Variants in FBRSL1 observed in about 807,000 individuals in gnomAD.
FBRSL1 encodes fibrosin like 1.
In FBRSL1, 51 loss-of-function variants were observed where a neutral mutation model predicts 89.6. The ratio of observed to expected loss-of-function variants is 0.57; its 90% CI spans 0.45 to 0.72. The LOEUF (loss-of-function observed/expected upper bound fraction) is 0.72, where lower values mean the gene tolerates loss of function less well. Among genes scored for constraint, FBRSL1 ranks in the 30% least tolerant of loss-of-function variants. The pLI is 0.00. For synonymous variants in FBRSL1, 779 were observed against 681.1 expected, an observed-to-expected ratio of 1.14 and a Z score of -2.24; for missense variants, 1,618 against 1,451.8, an observed-to-expected ratio of 1.11 and a Z score of -1.86.
At chr12:132,530,210 C>T (rs2036148561) in intron 4 of FBRSL1, among the ~76,000 whole-genome samples, 1 of 152,218 alleles carries the variant, frequency 6.6e-6, no homozygotes, top group African/African-American at 2.4e-5. Flanking sequence ...AGTGTCCTGA[C>T]AGACCAGCTC....
intron 2 of FBRSL1, among the ~76,000 whole-genome samples, chr12:132,519,156 C>T (rs1007782740): frequency 6.6e-6 from 1 of 152,248 alleles, no homozygotes; most frequent in African/African-American, 2.4e-5. Context: ...ACTGTGTCTG[C>T]CTGTGCTAGG....
At chr12:132,540,782 G>A (rs868102385) in intron 4 of FBRSL1, among the ~76,000 whole-genome samples, 1 of 151,976 alleles carries the variant, frequency 6.6e-6, no homozygotes, top group Non-Finnish European at 1.5e-5. Flanking sequence ...ATGGCAGGAG[G>A]ACTCCCAGCC....
In FBRSL1 at chr12:132,510,863, A is replaced by C. The variant is rs549799056; in HGVS notation, c.489+2513A>C. On this transcript the variant is annotated intron_variant, in intron 2 of 18. Coordinates refer to ENST00000680143, the MANE Select transcript of FBRSL1 (RefSeq NM_001367871.1). ...CTTTCTGTGCCTCTGAATTGCCAAT[A>C]CTGTCCTTGCATCTCTGAGTCTACG... 153 of 1,037,500 alleles carry C rather than the reference A, an allele frequency of 1.5e-4. No homozygotes were observed. The African/African-American group carries it at 2.5e-3, about 17-fold the overall frequency. 64.3% of individuals were successfully genotyped at this position (1,037,500 alleles called of 1,614,324 possible). A position where few individuals can be genotyped will look rare whatever the true frequency, so the allele number is the denominator to read the frequency against.
intron 2 of FBRSL1, among the ~76,000 whole-genome samples, chr12:132,522,854 C>T (rs940431267): frequency 6.6e-6 from 1 of 152,020 alleles, no homozygotes; most frequent in African/African-American, 2.4e-5. Context: ...CGCTGCCTTT[C>T]CCCCCGCACC....
At chr12:132,502,496 G>A (rs1443986198) in intron 1 of FBRSL1, among the ~76,000 whole-genome samples, 1 of 152,184 alleles carries the variant, frequency 6.6e-6, no homozygotes, top group Admixed American at 6.5e-5. Context: ...GTGCACAGCA[G>A]GACTGACCTC....
chr12:132,548,140 G>C, intron 5 of FBRSL1, 108 bp downstream of exon 5: 1 of 1,374,848 alleles, frequency 7.3e-7, no homozygotes, highest in South Asian at 1.3e-5. Flanking sequence ...TCGGGCCTTG[G>C]GGGGATCCCC....
At chr12:132,532,650 G>A (rs2036387025) in intron 4 of FBRSL1, among the ~76,000 whole-genome samples, 1 of 149,392 alleles carries the variant, frequency 6.7e-6, no homozygotes, top group Non-Finnish European at 1.5e-5. Context: ...CAGGGAGAAA[G>A]ATGGGAAAGA....
At chr12:132,575,671 A>G (rs75841091) in intron 14 of FBRSL1, among the ~76,000 whole-genome samples, 3,159 of 152,356 alleles carry the variant, frequency 0.021, 120 homozygotes, top group African/African-American at 0.072. Context: ...AACTCGGGGC[A>G]TGGTTGCTCC....
intron 1 of FBRSL1, among the ~76,000 whole-genome samples, chr12:132,493,856 C>T (rs1029227170): frequency 1.3e-5 from 2 of 152,202 alleles, no homozygotes; most frequent in Admixed American, 6.5e-5. Flanking sequence ...GCAGGCACTC[C>T]CTAAATGGTG....
Position 132,569,989 on chromosome 12 carries a change from G to A in FBRSL1, c.755G>A (p.Arg252His). The A allele has an allele frequency of 2.0e-6, 3 of 1,494,528 alleles. No individual in the cohort carries two copies. Among genetic ancestry groups the A allele is most frequent in the Non-Finnish European group, 1.8e-6 (2 of 1,129,170 alleles). The allele number at this position is 1,494,528 out of a possible 1,614,324, so 92.6% of individuals were successfully genotyped here. A position where few individuals can be genotyped will look rare whatever the true frequency, so the allele number is the denominator to read the frequency against. ...GTGCCCAAGGTGTCAGGCCTGGAGC[G>A]CAGCCGCGAGCTCAGCGCCGAGAGC... Reference protein sequence around the residue: ...GPVPKVSGLERSRELSAESFL... With the variant: ...GPVPKVSGLEHSRELSAESFL... Residue 252 changes from arginine (R) to histidine (H), a missense_variant, in exon 7 of 19, where the codon CGC (arginine) becomes CAC (histidine). Physicochemically the swap from Arg to His is conservative, Grantham distance 29 (BLOSUM62 0). Coordinates refer to ENST00000680143, the MANE Select transcript of FBRSL1 (RefSeq NM_001367871.1).
At chr12:132,571,272 G>T (rs1268851376) in intron 9 of FBRSL1, 41 bp downstream of exon 9, 4 of 1,494,072 alleles carry the variant, frequency 2.7e-6, no homozygotes, top group Non-Finnish European at 3.6e-6. Context: ...CGCGGCCAAC[G>T]TGCCTCTCTG....
At chr12:132,536,487 TGAA>T (rs1184187719) in intron 4 of FBRSL1, among the ~76,000 whole-genome samples, 3 of 150,806 alleles carry the variant, frequency 2.0e-5, no homozygotes, top group South Asian at 2.1e-4. Flanking sequence ...CACATGTACA[TGAA>T]GGTGTGTCGT....
chr12:132,515,702 C>A (rs2034776372), intron 2 of FBRSL1, among the ~76,000 whole-genome samples: 1 of 151,952 alleles, frequency 6.6e-6, no homozygotes, highest in African/African-American at 2.4e-5. Context: ...GAGTTCAAGA[C>A]CAGCCTGGCC....
chr12:132,493,160 G>A (rs940242558), intron 1 of FBRSL1, among the ~76,000 whole-genome samples: 1 of 152,240 alleles, frequency 6.6e-6, no homozygotes, highest in African/African-American at 2.4e-5. Context: ...GTGAGCGGGC[G>A]CTGCCCTGCG....
chr12:132,568,764 C>A (rs564982349), intron 6 of FBRSL1, among the ~76,000 whole-genome samples: 1 of 152,014 alleles, frequency 6.6e-6, no homozygotes, highest in Admixed American at 6.5e-5. Context: ...AGATAGTGCC[C>A]GTGGGCTCCC....
At position 132,574,321 on chromosome 12, in the gene FBRSL1, G is replaced by C. The variant is rs963879814; in HGVS notation, c.1602G>C (p.Val534=). ...VHTLLQKAPG[V]SDPYRAVVKK... is the part of the protein sequence containing the mutation. ...ACACTCCTTTCCTGTCTCCACAGGT[G>C]TCTGACCCGTACCGGGCGGTGGTCA... is the stretch of plus-strand genomic sequence containing the variant. The change falls in exon 13 of 19, where the codon GTG becomes GTC. Residue 534 remains valine (V), a splice_region_variant and synonymous_variant. Coordinates refer to ENST00000680143, the MANE Select transcript of FBRSL1 (RefSeq NM_001367871.1). 1 of 1,545,560 alleles carries C rather than the reference G, an allele frequency of 6.5e-7. No individual in the cohort carries two copies. The highest frequency in any genetic ancestry group is 8.7e-7 in the Non-Finnish European group (1 of 1,144,794).
At position 132,581,761 on chromosome 12, in the gene FBRSL1, A is replaced by G. The variant is rs199936062; in HGVS notation, c.1933A>G (p.Thr645Ala). The change falls in exon 17 of 19, where the codon ACC (threonine) becomes GCC (alanine). Residue 645 changes from threonine (T) to alanine (A), a missense_variant. Transcript: ENST00000680143. ...PLTDPFSRPS[T>A]FGGLGSLSSH... ...CACAGACCCTTTCAGCAGACCGAGC[A>G]CCTTTGGGGGCCTGGGCAGCCTGAG... is the stretch of plus-strand genomic sequence containing the variant. 3.9e-3 allele frequency: 6,036 copies of G among 1,549,868 alleles called. 20 individuals carry two copies. Among genetic ancestry groups the G allele is most frequent in the Non-Finnish European group, 4.1e-3 (4,741 of 1,146,720 alleles).
intron 4 of FBRSL1, among the ~76,000 whole-genome samples, chr12:132,542,718 C>G (rs993796252): frequency 7.9e-5 from 12 of 152,216 alleles, no homozygotes; most frequent in African/African-American, 2.2e-4. Context: ...ATCTCCTCCC[C>G]ACCCTGCCTG....
At chr12:132,526,453 G>A (rs1165630885) in intron 3 of FBRSL1, among the ~76,000 whole-genome samples, 1 of 152,216 alleles carries the variant, frequency 6.6e-6, no homozygotes, top group South Asian at 2.1e-4. Context: ...CAGCAGCTGG[G>A]GCTGAGGCTC....
Sources: gnomAD v4.1 joint callset for allele counts (sites outside exome capture counted in the v4.1 genomes callset) on GRCh38, gnomAD v4.1.1 for gene constraint, MANE v1.5 for transcripts, NCBI Gene and HGNC (gene_info 2026-07-23, HGNC 2026-07-21) for gene names.